Variants in ATP2C1 observed in about 807,000 individuals in gnomAD.
ATP2C1 encodes the protein ATPase secretory pathway Ca2+ transporting 1.
In ATP2C1, 31 loss-of-function variants were observed where a neutral mutation model predicts 120.5. The ratio of observed to expected loss-of-function variants is 0.26; its 90% CI spans 0.19 to 0.35. ATP2C1 has a LOEUF of 0.35. Among genes scored for constraint, ATP2C1 ranks in the 10% least tolerant of loss-of-function variants. The pLI is 1.00. For missense variants in ATP2C1, 731 were observed against 1,107.5 expected (o/e 0.66, Z 4.83); for synonymous variants, 351 against 358.7 (o/e 0.98, Z 0.24).
intron 8 of ATP2C1, among the ~76,000 whole-genome samples, chr3:130,943,697 T>A (rs2060019211): frequency 6.6e-6 from 1 of 152,212 alleles, no homozygotes. Flanking sequence ...AGTTGAACAT[T>A]TTTTATTCTC....
Position 131,003,036 on chromosome 3 carries a change from G to C in ATP2C1, c.*1686G>C, listed in dbSNP as rs948899021. 2 of 985,570 alleles carry C rather than the reference G, an allele frequency of 2.0e-6. No individual in the cohort carries two copies. The highest frequency in any genetic ancestry group is 2.4e-6 in the Non-Finnish European group (2 of 829,846). The allele number at this position is 985,570 out of a possible 1,614,324, so 61.1% of individuals were successfully genotyped here. On this transcript the variant is annotated 3_prime_UTR_variant, in exon 28 of 28. Coordinates refer to ENST00000510168, the MANE Select transcript of ATP2C1 (RefSeq NM_001378687.1). ...CAAAGACTTGAAATACGTATTAAAT[G>C]CACGTTAATGTTTTGCTTTGCATTT...
At chr3:130,958,585 A>G (rs887298637) in intron 11 of ATP2C1, among the ~76,000 whole-genome samples, 9 of 152,120 alleles carry the variant, frequency 5.9e-5, no homozygotes, top group African/African-American at 2.2e-4. Flanking sequence ...AGCTTATTTT[A>G]TCAAACCTCT....
chr3:130,991,687 A>G (rs766120791), intron 20 of ATP2C1, among the ~76,000 whole-genome samples: 57 of 152,206 alleles, frequency 3.7e-4, no homozygotes, highest in South Asian at 8.3e-4. Flanking sequence ...TGAGGAAAAC[A>G]TTTTGGCACA....
chr3:130,898,910 A>T (rs2107960787), intron 2 of ATP2C1, among the ~76,000 whole-genome samples: 1 of 152,346 alleles, frequency 6.6e-6, no homozygotes, highest in East Asian at 1.9e-4. Flanking sequence ...CCGTTGTTAC[A>T]TGTAGCATCT....
At chr3:130,923,567 A>G (rs2059062579) in intron 2 of ATP2C1, among the ~76,000 whole-genome samples, 1 of 150,982 alleles carries the variant, frequency 6.6e-6, no homozygotes, top group Non-Finnish European at 1.5e-5. Context: ...TTTGTCTGAT[A>G]TAAGAATAAC....
chr3:130,914,159 C>CT lies in ATP2C1; in HGVS notation c.7-16248dup, dbSNP rs113027823. 3.6e-3 allele frequency among the ~76,000 whole-genome samples: 539 copies of CT among 151,248 alleles called. 2 individuals are homozygous for CT. Among genetic ancestry groups the CT allele is most frequent in the Admixed American group, 8.2e-3 (124 of 15,162 alleles). On this transcript the variant is annotated intron_variant, in intron 2 of 27. Coordinates refer to ENST00000510168, the MANE Select transcript of ATP2C1 (RefSeq NM_001378687.1). ...AATGTGAAATCAGTAGAGTTTTAGA[C>CT]TTTTTTTTTAACTCAAAGCTTCAAA...
At position 130,926,991 on chromosome 3, in the gene ATP2C1, T is replaced by C. The variant is rs566368893; in HGVS notation, c.7-3425T>C. Among the ~76,000 whole-genome samples the C allele has an allele frequency of 9.8e-5, 15 of 152,326 alleles. No individual in the cohort carries two copies. In the South Asian group the frequency reaches 3.1e-3, roughly 32 times the overall value. ...ACTGGAAATCTCAAGGACCCACCTC[T>C]TCAGTCTGTAGCAGAAGTCTGCTTG... On this transcript the variant is annotated intron_variant, in intron 2 of 27. Transcript: ENST00000510168.
chr3:130,948,863 T>G (rs2060255124), intron 8 of ATP2C1, among the ~76,000 whole-genome samples: 1 of 152,198 alleles, frequency 6.6e-6, no homozygotes, highest in African/African-American at 2.4e-5. Context: ...TATGGTGATC[T>G]GTGATCAGTG....
rs544671404 is a variant in ATP2C1, at chr3:131,000,529, A to G, written c.2630-691A>G. On this transcript the variant is annotated intron_variant, in intron 27 of 27. Coordinates refer to ENST00000510168, the MANE Select transcript of ATP2C1 (RefSeq NM_001378687.1). ...TTAATGTCAAATTTTTAATCTTCAG[A>G]TAGGCATTGTCATTCAAATTGTCTA... Among the ~76,000 whole-genome samples the G allele has an allele frequency of 2.9e-4, 44 of 152,304 alleles. No individual in the cohort carries two copies. The South Asian group carries it at 8.7e-3, about 30-fold the overall frequency.
downstream of ATP2C1, chr3:131,003,235 T>C (rs565098886): frequency 1.8e-5 from 15 of 817,364 alleles, no homozygotes; most frequent in South Asian, 8.3e-4. Flanking sequence ...ATATGGATGC[T>C]GGAGAATGCA....
At chr3:130,955,169 T>C (rs2060526265) in intron 10 of ATP2C1, 89 bp downstream of exon 10, 1 of 901,146 alleles carries the variant, frequency 1.1e-6, no homozygotes, top group Admixed American at 1.8e-5. Flanking sequence ...TTATATACTA[T>C]TGAGAGCAAT....
chr3:130,899,360 T>C (rs1462708938), intron 2 of ATP2C1: 1 of 152,178 alleles, frequency 6.6e-6, no homozygotes, highest in African/African-American at 2.4e-5. Flanking sequence ...GCTATATGTA[T>C]TATATACTGT....
intron 1 of ATP2C1, among the ~76,000 whole-genome samples, chr3:130,854,438 G>T (rs988175641): frequency 1.3e-5 from 2 of 152,118 alleles, no homozygotes; most frequent in African/African-American, 4.8e-5. Context: ...TTTTATTTTG[G>T]TCTGAGGGCA....
chr3:130,997,247 C>G (rs926918481), intron 24 of ATP2C1, among the ~76,000 whole-genome samples: 1 of 152,028 alleles, frequency 6.6e-6, no homozygotes, highest in African/African-American at 2.4e-5. Context: ...TTTGGCCACT[C>G]CAGCAAATCA....
chr3:130,984,232 T>A (rs2061896720), intron 20 of ATP2C1, among the ~76,000 whole-genome samples: 1 of 152,204 alleles, frequency 6.6e-6, no homozygotes, highest in South Asian at 2.1e-4. Flanking sequence ...TTGCTGTTTC[T>A]TTGAATATTA....
At chr3:130,865,367 T>C (rs775034590) in intron 1 of ATP2C1, among the ~76,000 whole-genome samples, 5 of 152,228 alleles carry the variant, frequency 3.3e-5, no homozygotes, top group Non-Finnish European at 7.3e-5. Context: ...GGGACTTGCC[T>C]TTCTCTCAGG....
At chr3:131,016,305 C>A in exon 27 of ATP2C1, 1 of 1,610,918 alleles carries the variant, frequency 6.2e-7, no homozygotes, top group Non-Finnish European at 8.5e-7. Flanking sequence ...CTGCATACAA[C>A]ATCTTAGCAC....
intron 1 of ATP2C1, among the ~76,000 whole-genome samples, chr3:130,860,231 A>G (rs2067972428): frequency 6.6e-6 from 1 of 152,218 alleles, no homozygotes; most frequent in Non-Finnish European, 1.5e-5. Context: ...ACACTTCGTT[A>G]GCTTTTGTTC....
intron 2 of ATP2C1, among the ~76,000 whole-genome samples, chr3:130,924,006 T>C (rs2059088197): frequency 6.6e-6 from 1 of 152,182 alleles, no homozygotes; most frequent in South Asian, 2.1e-4. Context: ...CCTTGGTTCG[T>C]GGATTTTTAT....
Sources: gnomAD v4.1 joint callset for allele counts (sites outside exome capture counted in the v4.1 genomes callset) on GRCh38, gnomAD v4.1.1 for gene constraint, MANE v1.5 for transcripts, NCBI Gene and HGNC (gene_info 2026-07-23, HGNC 2026-07-21) for gene names.